Variants in INSC observed in about 807,000 individuals in gnomAD.
The protein encoded by INSC is INSC spindle orientation adaptor protein.
INSC carries 67 observed loss-of-function variants against 58.6 expected under a neutral mutation model. The observed-to-expected ratio is 1.14, with a 90% confidence interval of 0.94 to 1.40. The LOEUF (loss-of-function observed/expected upper bound fraction) is 1.40, where lower values mean the gene tolerates loss of function less well. INSC is among the 40% of genes most tolerant of loss of function. The probability of loss-of-function intolerance (pLI) is 0.00; values close to 1 mark genes in which losing one functional copy is unlikely to be tolerated. For synonymous variants in INSC, 262 were observed against 276.1 expected, an observed-to-expected ratio of 0.95 and a Z score of 0.51; for missense variants, 714 against 692.0, an observed-to-expected ratio of 1.03 and a Z score of -0.36.
chr11:15,221,845 T>C (rs1201058461), intron 8 of INSC, among the ~76,000 whole-genome samples, 197 bp downstream of exon 8: 2 of 152,212 alleles, frequency 1.3e-5, no homozygotes, highest in African/African-American at 4.8e-5. Context: ...AAGAGTTTCC[T>C]ATTAAAATGT....
upstream of INSC, among the ~76,000 whole-genome samples, chr11:15,114,760 G>A (rs1249930540): frequency 1.3e-5 from 2 of 151,898 alleles, no homozygotes; most frequent in African/African-American, 4.8e-5. Flanking sequence ...GAGACAGCAG[G>A]CAGCCGTGGC....
chr11:15,148,951 C>T (rs1370731780), intron 1 of INSC, among the ~76,000 whole-genome samples, 179 bp from the exon 2 acceptor site: 1 of 152,182 alleles, frequency 6.6e-6, no homozygotes, highest in Non-Finnish European at 1.5e-5. Context: ...AAGATCAAAT[C>T]TGGGTTCTGC....
chr11:15,235,458 A>C (rs1400351058), intron 9 of INSC, 144 bp from the exon 10 acceptor site: 1 of 711,350 alleles, frequency 1.4e-6, no homozygotes, highest in Non-Finnish European at 2.6e-6. Flanking sequence ...ATGGAAGAAA[A>C]TGCCGTGGAA....
chr11:15,245,367 C>T (rs1852520359), intron 12 of INSC, among the ~76,000 whole-genome samples: 1 of 152,120 alleles, frequency 6.6e-6, no homozygotes, highest in Admixed American at 6.5e-5. Flanking sequence ...TGAGCAAGGA[C>T]ACATGGACAC....
At chr11:15,226,507 G>A (rs145200608) in intron 9 of INSC, among the ~76,000 whole-genome samples, 1 of 152,194 alleles carries the variant, frequency 6.6e-6, no homozygotes, top group African/African-American at 2.4e-5. Flanking sequence ...TTTCACCTCT[G>A]GCCACACTTG....
At chr11:15,264,074 A>C in the INSC span, among the ~76,000 whole-genome samples, 2 of 144,124 alleles carry the variant, frequency 1.4e-5, no homozygotes, top group African/African-American at 5.2e-5. Context: ...ACCCACCTGG[A>C]TACTCCAAGG....
chr11:15,175,642 A>C (rs1238230648), intron 2 of INSC, 99 bp from the exon 3 acceptor site: 1 of 842,112 alleles, frequency 1.2e-6, no homozygotes, highest in Non-Finnish European at 1.8e-6. Context: ...ACTGCTAAAC[A>C]TATAATAGGT....
At position 15,183,155 on chromosome 11, in the gene INSC, C is replaced by T. The variant is rs1422824562; in HGVS notation, c.579+4708C>T. ...CTGAGGTTGGGAGCTCGAGACCAGC[C>T]TGACCAACATAAAGAAACCCTGTCT... On this transcript the variant is annotated intron_variant, in intron 5 of 12. Transcript: ENST00000379556. Among the ~76,000 whole-genome samples the T allele has an allele frequency of 2.0e-5, 3 of 151,994 alleles. No homozygotes were observed. In the East Asian group the frequency reaches 5.8e-4, roughly 29 times the overall value.
At chr11:15,113,145 C>CTTTCTTTCTTTCTTTCTT (rs200716197), upstream of INSC, among the ~76,000 whole-genome samples, 5 of 133,506 alleles carry the variant, frequency 3.7e-5, no homozygotes, top group Non-Finnish European at 8.1e-5. Context: ...TTCTTTCTTT[C>CTTTCTTTCTTTCTTTCTT]TGTCTCTCTC....
At chr11:15,117,546 CTATGTTAG>C (rs1333184855) in intron 1 of INSC, among the ~76,000 whole-genome samples, 1 of 152,214 alleles carries the variant, frequency 6.6e-6, no homozygotes, top group Admixed American at 6.5e-5. Flanking sequence ...GTTGTAATAA[CTATGTTAG>C]TTGGAACCAT....
At chr11:15,236,690 G>A (rs1852144860) in intron 10 of INSC, among the ~76,000 whole-genome samples, 1 of 152,222 alleles carries the variant, frequency 6.6e-6, no homozygotes, top group Admixed American at 6.5e-5. Context: ...CCTGTGACTG[G>A]GAAATAAGGG....
intron 7 of INSC, among the ~76,000 whole-genome samples, chr11:15,214,380 A>C (rs1851137143): frequency 6.6e-6 from 1 of 152,196 alleles, no homozygotes; most frequent in South Asian, 2.1e-4. Flanking sequence ...GATTCTGTTT[A>C]ATTGTTACAA....
intron 8 of INSC, among the ~76,000 whole-genome samples, chr11:15,222,361 C>G (rs888228508): frequency 1.3e-5 from 2 of 152,116 alleles, no homozygotes; most frequent in African/African-American, 4.8e-5. Flanking sequence ...CTGGCACTCT[C>G]TTTGTATCTA....
chr11:15,245,940 G>T lies in INSC; in HGVS notation c.1499G>T (p.Cys500Phe), dbSNP rs746818697. ...GCTCTGCGTAGATTGGCTGGGGTCT[G>T]CCCTGAAGGCCTCCAGGACTCTGAC... ...LAALRRLAGV[C>F]PEGLQDSDFQ... The change falls in exon 13 of 13, where the codon TGC (cysteine) becomes TTC (phenylalanine). Residue 500 changes from cysteine to phenylalanine, a missense_variant. Cys to Phe is a radical substitution (Grantham distance 205). Coordinates refer to ENST00000379556, the MANE Select transcript of INSC (RefSeq NM_001042536.3). 1 of 1,614,186 alleles carries T rather than the reference G, an allele frequency of 6.2e-7. No individual in the cohort carries two copies. Among genetic ancestry groups the T allele is most frequent in the Non-Finnish European group, 8.5e-7 (1 of 1,180,010 alleles).
chr11:15,142,799 TTTTTTTTG>T (rs992611614), intron 1 of INSC, among the ~76,000 whole-genome samples: 1 of 152,086 alleles, frequency 6.6e-6, no homozygotes, highest in African/African-American at 2.4e-5. Flanking sequence ...CACTTTCTTT[TTTTTTTTG>T]TTTTTTTGTA....
chr11:15,221,177 G>T (rs1851423055), intron 7 of INSC, among the ~76,000 whole-genome samples: 1 of 151,956 alleles, frequency 6.6e-6, no homozygotes, highest in Admixed American at 6.6e-5. Flanking sequence ...GATTTGCTGT[G>T]GTGGATGACC....
At chr11:15,227,169 T>G (rs1851672367) in intron 9 of INSC, among the ~76,000 whole-genome samples, 1 of 152,216 alleles carries the variant, frequency 6.6e-6, no homozygotes, top group Admixed American at 6.5e-5. Flanking sequence ...AGGATTAAAT[T>G]TAAATCCTGA....
At chr11:15,161,821 C>T (rs140715618) in intron 2 of INSC, among the ~76,000 whole-genome samples, 9 of 152,182 alleles carry the variant, frequency 5.9e-5, no homozygotes, top group Non-Finnish European at 8.8e-5. Flanking sequence ...ATGAAGACAT[C>T]GAAAAATTTG....
At chr11:15,151,289 A>G (rs1393882308) in intron 2 of INSC, among the ~76,000 whole-genome samples, 2 of 152,132 alleles carry the variant, frequency 1.3e-5, no homozygotes, top group Non-Finnish European at 2.9e-5. Flanking sequence ...ATGGGAATGT[A>G]ATACCCACCA....
Sources: allele counts gnomAD v4.1 joint callset (sites outside exome capture counted in the v4.1 genomes callset), GRCh38; gene constraint gnomAD v4.1.1; transcripts MANE v1.5; gene names NCBI Gene and HGNC (gene_info 2026-07-23, HGNC 2026-07-21).